FRY: variants seen among roughly 807,000 people sequenced by gnomAD.
The protein encoded by FRY is protein furry homolog.
Under a neutral mutation model 348.4 loss-of-function variants are expected in FRY, and 128 were observed. That is an observed-to-expected ratio of 0.37 (90% CI 0.32 to 0.43). The LOEUF is 0.43. Among genes scored for constraint, FRY ranks in the 20% least tolerant of loss-of-function variants. The pLI is 1.00. For missense variants in FRY, 2,736 were observed against 3,695.2 expected (o/e 0.74, Z 6.73); for synonymous variants, 1,370 against 1,374.7 (o/e 1.00, Z 0.08).
At chr13:32,080,570 T>C (rs984942310) in intron 2 of FRY, among the ~76,000 whole-genome samples, 5 of 152,222 alleles carry the variant, frequency 3.3e-5, no homozygotes, top group African/African-American at 9.6e-5. Flanking sequence ...CTGTTGCAGA[T>C]ACTGTTGCTA....
chr13:32,171,274 A>AT lies in FRY; in HGVS notation c.2151+8dup. 1.8e-6 allele frequency: 2 copies of AT among 1,093,770 alleles called. No homozygotes were observed. The highest frequency in any genetic ancestry group is 2.7e-6 in the Non-Finnish European group (2 of 747,272). 67.8% of individuals were successfully genotyped at this position (1,093,770 alleles called of 1,614,324 possible). A position where few individuals can be genotyped will look rare whatever the true frequency, so the allele number is the denominator to read the frequency against. ...CAACAAAATCAGAAATTCAGAGGTG[A>AT]TTTTCACACCTTACCCATGAATTTA... is the stretch of plus-strand genomic sequence containing the variant. On this transcript the variant is annotated splice_donor_region_variant and intron_variant, in intron 18 of 60. Coordinates refer to ENST00000542859, the MANE Select transcript of FRY (RefSeq NM_023037.3).
chr13:32,198,813 A>T (rs1040719931), intron 29 of FRY, among the ~76,000 whole-genome samples: 3 of 152,212 alleles, frequency 2.0e-5, no homozygotes, highest in African/African-American at 7.2e-5. Context: ...TAAAAATACA[A>T]GTTACAGAAA....
chr13:32,090,675 G>C (rs754829992), intron 2 of FRY, among the ~76,000 whole-genome samples: 4 of 152,032 alleles, frequency 2.6e-5, no homozygotes, highest in Non-Finnish European at 5.9e-5. Context: ...AACAAATGAA[G>C]GTTGTATCTT....
rs58000380 is a variant in FRY at position 32,130,452 on chromosome 13, TTGTG to T, written c.717-1186_717-1183del. Among the ~76,000 whole-genome samples, 1,116 of 141,972 alleles carry T rather than the reference TTGTG, an allele frequency of 7.9e-3. 8 individuals are homozygous for T. Among genetic ancestry groups the T allele is most frequent in the African/African-American group, 0.022 (819 of 37,758 alleles). 93.1% of individuals were successfully genotyped at this position (141,972 alleles called of 152,430 possible). ...TTAGACTGTTTTCTTTGGAAAGTGT[TTGTG>T]TGTGTGTGTGTGTGTGTGTGTGTGT... On this transcript the variant is annotated intron_variant, in intron 7 of 60. Transcript: ENST00000542859.
intron 23 of FRY, among the ~76,000 whole-genome samples, chr13:32,180,933 C>G (rs1438720239): frequency 6.6e-6 from 1 of 152,070 alleles, no homozygotes; most frequent in Admixed American, 6.6e-5. Context: ...CTCTGTCACC[C>G]AAGCTGGAGT....
At position 32,185,057 on chromosome 13, in the gene FRY, A is replaced by G. The variant is rs1378408931; in HGVS notation, c.3228A>G (p.Leu1076=). The G allele has an allele frequency of 3.1e-6, 5 of 1,613,930 alleles. No homozygotes were observed. The highest frequency in any genetic ancestry group is 4.2e-6 in the Non-Finnish European group (5 of 1,179,778). Residue 1076 remains leucine (L), a synonymous_variant, in exon 26 of 61, where the codon CTA becomes CTG. Transcript: ENST00000542859. ...LEYVDLTRML[L]EAENDKEVEI... ...ATGTGGACTTGACCCGCATGCTCCT[A>G]GAAGCTGAAAATGACAAAGAAGTTG...
intron 4 of FRY, among the ~76,000 whole-genome samples, chr13:32,122,110 A>G (rs1878695564): frequency 6.6e-6 from 1 of 152,148 alleles, no homozygotes; most frequent in Non-Finnish European, 1.5e-5. Flanking sequence ...AAACAGAATT[A>G]AAAACAAAAA....
chr13:32,292,410 TTGAC>T (rs1593861008), intron 59 of FRY, among the ~76,000 whole-genome samples: 1 of 152,236 alleles, frequency 6.6e-6, no homozygotes, highest in African/African-American at 2.4e-5. Flanking sequence ...TTTAAGGTGA[TTGAC>T]TGCAGTTTTG....
At chr13:32,033,201 G>A (rs1475941673) in intron 1 of FRY, among the ~76,000 whole-genome samples, 1 of 151,996 alleles carries the variant, frequency 6.6e-6, no homozygotes, top group African/African-American at 2.4e-5. Flanking sequence ...CATTTAACTT[G>A]GACTCATTAT....
At chr13:32,219,273 T>G (rs1947806577) in intron 36 of FRY, among the ~76,000 whole-genome samples, 2 of 149,502 alleles carry the variant, frequency 1.3e-5, no homozygotes, top group Non-Finnish European at 3.0e-5. Flanking sequence ...TATTTTTTAG[T>G]AGAGACGGGA....
intron 44 of FRY, among the ~76,000 whole-genome samples, chr13:32,238,990 G>A (rs1160864100): frequency 6.6e-6 from 1 of 152,008 alleles, no homozygotes; most frequent in Non-Finnish European, 1.5e-5. Context: ...AAAACATCTG[G>A]GCCAGCCATC....
Position 32,225,873 on chromosome 13 carries a change from A to G in FRY, c.5105A>G (p.Asn1702Ser), listed in dbSNP as rs770187865. The G allele has an allele frequency of 6.2e-7, 1 of 1,614,138 alleles. No individual in the cohort carries two copies. The highest frequency in any genetic ancestry group is 1.3e-5 in the African/African-American group (1 of 75,024). The change falls in exon 39 of 61, where the codon AAT becomes AGT. Residue 1702 changes from asparagine to serine, a missense_variant. Physicochemically the swap from Asn to Ser is conservative, Grantham distance 46 (BLOSUM62 1). Coordinates refer to ENST00000542859, the MANE Select transcript of FRY (RefSeq NM_023037.3). The stretch of plus-strand genomic sequence containing the variant: ...TTGATTGCCCTCTCTTGCAACAGCA[A>G]TTTCCATTCCATTGCTTCCGTGCTC... Reference protein sequence around the residue: ...HLLIALSCNSNFHSIASVLLQ... With the variant: ...HLLIALSCNSSFHSIASVLLQ...
intron 27 of FRY, among the ~76,000 whole-genome samples, chr13:32,186,913 C>T (rs1320217625): frequency 6.6e-6 from 1 of 152,120 alleles, no homozygotes; most frequent in African/African-American, 2.4e-5. Flanking sequence ...TCTCAGATTA[C>T]CTTTGCCTCG....
chr13:32,105,499 G>T (rs1463762049), intron 3 of FRY, among the ~76,000 whole-genome samples: 1 of 152,148 alleles, frequency 6.6e-6, no homozygotes, highest in Non-Finnish European at 1.5e-5. Context: ...CAGTTCCATT[G>T]GTAAGGCCAT....
At chr13:32,072,883 A>G (rs1874763043) in intron 1 of FRY, among the ~76,000 whole-genome samples, 1 of 152,252 alleles carries the variant, frequency 6.6e-6, no homozygotes, top group South Asian at 2.1e-4. Flanking sequence ...ATGAACAAAG[A>G]AATCTCATAA....
In FRY at chr13:32,295,557, A is replaced by G; in HGVS notation, c.*97A>G. On this transcript the variant is annotated 3_prime_UTR_variant, in exon 61 of 61. Transcript: ENST00000542859. ...TTCTCGGCCTTCAAAAGGCTTGGACAGACTGTTCTCCCTCTTGTTACCTGT... is the reference window on the plus strand; with the variant it reads ...TTCTCGGCCTTCAAAAGGCTTGGACGGACTGTTCTCCCTCTTGTTACCTGT... 2.6e-6 allele frequency: 3 copies of G among 1,174,040 alleles called. 1 individual carries two copies. The highest frequency in any genetic ancestry group is 1.7e-5 in the Admixed American group (1 of 57,944). The allele number at this position is 1,174,040 out of a possible 1,614,324, so 72.7% of individuals were successfully genotyped here.
At chr13:32,167,024 T>C (rs887968407) in intron 17 of FRY, among the ~76,000 whole-genome samples, 4 of 151,904 alleles carry the variant, frequency 2.6e-5, no homozygotes, top group Admixed American at 2.0e-4. Context: ...TGATCCTGCA[T>C]TGTGGGTTTG....
In FRY at chr13:32,237,797, G is replaced by A. The variant is rs370229444; in HGVS notation, c.6229G>A (p.Asp2077Asn). 2.2e-5 allele frequency: 35 copies of A among 1,614,150 alleles called. No homozygotes were observed. The African/African-American group carries it at 3.5e-4, about 16-fold the overall frequency. ...CAGACTACTGGCACATATGCCACTCGATAAGGCTGAGAACCGAGAAAAGCT... is the reference window on the plus strand; with the variant it reads ...CAGACTACTGGCACATATGCCACTCAATAAGGCTGAGAACCGAGAAAAGCT... ...LSRLLAHMPL[D>N]KAENREKLEK... The change falls in exon 44 of 61, where the codon GAT becomes AAT. Residue 2077 changes from aspartate (D) to asparagine (N), a missense_variant. This residue lies in a region of FRY where 789 missense variants were observed against 996.2 expected (regional missense o/e 0.79). Coordinates refer to ENST00000542859, the MANE Select transcript of FRY (RefSeq NM_023037.3). This position sits in a 1 kb window ranked among gnomAD's most constrained non-coding sequence, Gnocchi z 6.3.
chr13:32,127,806 T>G (rs1879119269), intron 7 of FRY, among the ~76,000 whole-genome samples: 1 of 152,114 alleles, frequency 6.6e-6, no homozygotes, highest in Admixed American at 6.5e-5. Context: ...ATAGACGTAT[T>G]TATTTTTAAA....
Sources: allele counts gnomAD v4.1 joint callset (sites outside exome capture counted in the v4.1 genomes callset), GRCh38; gene constraint gnomAD v4.1.1; regional missense constraint gnomAD v4.1.1; non-coding constraint Gnocchi (gnomAD v3.1); transcripts MANE v1.5; gene names NCBI Gene and HGNC (gene_info 2026-07-23, HGNC 2026-07-21).